Variants in SYCE2 observed in about 807,000 individuals in gnomAD.
SYCE2 encodes the protein central element synaptonemal complex 1.
In SYCE2, 3 loss-of-function variants were observed where a neutral mutation model predicts 27.9. That is an observed-to-expected ratio of 0.11 (90% CI 0.05 to 0.28). SYCE2 has a LOEUF of 0.28. Among genes scored for constraint, SYCE2 ranks in the 10% least tolerant of loss-of-function variants. The probability of loss-of-function intolerance (pLI) is 1.00; values close to 1 mark genes in which losing one functional copy is unlikely to be tolerated. For synonymous variants in SYCE2, 85 were observed against 100.7 expected, an observed-to-expected ratio of 0.84 and a Z score of 0.93; for missense variants, 207 against 263.5, an observed-to-expected ratio of 0.79 and a Z score of 1.48.
chr19:12,899,902 G>T (rs1332114910), intron 5 of SYCE2, 102 bp downstream of exon 5: 2 of 1,604,654 alleles, frequency 1.2e-6, no homozygotes. Context: ...CTCCCATCTG[G>T]GGGTAGTGCC....
At chr19:12,903,578 G>C (rs1970883084) in intron 3 of SYCE2, among the ~76,000 whole-genome samples, 1 of 151,280 alleles carries the variant, frequency 6.6e-6, no homozygotes, top group Non-Finnish European at 1.5e-5. Flanking sequence ...ATAGAGACGG[G>C]GTTTCACCAT....
chr19:12,900,233 G>C, intron 4 of SYCE2, 113 bp from the exon 5 acceptor site: 1 of 1,315,764 alleles, frequency 7.6e-7, no homozygotes, highest in South Asian at 1.5e-5. Context: ...TGTCACCACA[G>C]AGCTGCTCAT....
At chr19:12,906,697 A>G (rs1970939649) in intron 2 of SYCE2, among the ~76,000 whole-genome samples, 1 of 152,072 alleles carries the variant, frequency 6.6e-6, no homozygotes, top group Non-Finnish European at 1.5e-5. Context: ...TCACAAGGGC[A>G]GGAGTTCGAG....
chr19:12,904,649 G>C lies in SYCE2; in HGVS notation c.149C>G (p.Thr50Arg). The C allele has an allele frequency of 3.7e-6, 6 of 1,613,752 alleles. No individual in the cohort carries two copies. Among genetic ancestry groups the C allele is most frequent in the Non-Finnish European group, 5.1e-6 (6 of 1,179,964 alleles). Residue 50 changes from threonine to arginine, a missense_variant, in exon 3 of 6, where the codon ACG (threonine) becomes AGG (arginine). Coordinates refer to ENST00000293695, the MANE Select transcript of SYCE2 (RefSeq NM_001105578.2). ...GGPASASCQL[T>R]VLEGKSGLYF... ...GAGTCCCGACTTCCCTTCCAGGACC[G>C]TCAGCTGGCAACTGGCACTGGAGGT...
chr19:12,918,950 C>CAA (rs751137312), intron 1 of SYCE2, among the ~76,000 whole-genome samples: 8 of 57,136 alleles, frequency 1.4e-4, no homozygotes, highest in Admixed American at 3.3e-4. Flanking sequence ...TACTTCGTCT[C>CAA]AAAAAAAAAA....
At chr19:12,910,596 C>T (rs1167812998) in intron 2 of SYCE2, among the ~76,000 whole-genome samples, 1 of 151,944 alleles carries the variant, frequency 6.6e-6, no homozygotes, top group Non-Finnish European at 1.5e-5. Context: ...TGGTCTCAAA[C>T]TCCTGACCTC....
At chr19:12,912,243 A>T (rs1175609736) in intron 2 of SYCE2, among the ~76,000 whole-genome samples, 2 of 151,808 alleles carry the variant, frequency 1.3e-5, no homozygotes, top group Non-Finnish European at 2.9e-5. Context: ...ATCTAGCCTT[A>T]CTGTTTTCTA....
In SYCE2 at chr19:12,918,205, G is replaced by C; in HGVS notation, c.131+17C>G. On this transcript the variant is annotated intron_variant, in intron 2 of 5. Transcript: ENST00000293695. ...CCAGGGGCCTGTGTAGACCCATAGG[G>C]CTGGGATCTTCCTCACCTAGCTGGC... 1 of 1,606,194 alleles carries C rather than the reference G, an allele frequency of 6.2e-7. No individual in the cohort carries two copies. Among genetic ancestry groups the C allele is most frequent in the Middle Eastern group, 1.7e-4 (1 of 6,046 alleles).
At chr19:12,908,080 G>A (rs983248795) in intron 2 of SYCE2, among the ~76,000 whole-genome samples, 4 of 151,824 alleles carry the variant, frequency 2.6e-5, no homozygotes, top group African/African-American at 7.3e-5. Flanking sequence ...CACTGCACTG[G>A]AGCCTAGATG....
At position 12,899,631 on chromosome 19, in the gene SYCE2, A is replaced by G. The variant is rs1970787986; in HGVS notation, c.613-246T>C. 20 of 1,612,696 alleles carry G rather than the reference A, an allele frequency of 1.2e-5. No individual in the cohort carries two copies. In the South Asian group the frequency reaches 2.1e-4, roughly 17 times the overall value. The stretch of plus-strand genomic sequence containing the variant: ...GGAGCGCTGTGCTCTGAGCTTAGAA[A>G]GGGAGGTGGCGGATGGAGTGGGAAG... On this transcript the variant is annotated intron_variant, in intron 5 of 5. Transcript: ENST00000293695.
intron 2 of SYCE2, among the ~76,000 whole-genome samples, chr19:12,905,366 C>T (rs1168880293): frequency 6.6e-6 from 1 of 152,096 alleles, no homozygotes; most frequent in Admixed American, 6.5e-5. Flanking sequence ...GAGTCTCACT[C>T]TGTCGCCCAG....
intron 2 of SYCE2, 152 bp downstream of exon 2, chr19:12,918,070 C>T (rs536540703): frequency 1.9e-5 from 12 of 636,978 alleles, no homozygotes; most frequent in Non-Finnish European, 1.9e-5. Flanking sequence ...TGCAGTGAGC[C>T]GTGATCATGC....
chr19:12,911,310 CTGTT>C (rs1971041755), intron 2 of SYCE2, among the ~76,000 whole-genome samples: 1 of 152,198 alleles, frequency 6.6e-6, no homozygotes, highest in Non-Finnish European at 1.5e-5. Context: ...TTTCCTACTC[CTGTT>C]TGTTAGCCTA....
chr19:12,914,556 C>T (rs1971104458), intron 2 of SYCE2, among the ~76,000 whole-genome samples: 1 of 151,300 alleles, frequency 6.6e-6, no homozygotes, highest in Admixed American at 6.6e-5. Flanking sequence ...CACTAGACCT[C>T]CCTACACCCA....
At chr19:12,899,548 C>T (rs759615218) in intron 5 of SYCE2, 163 bp from the exon 6 acceptor site, 1 of 1,614,098 alleles carries the variant, frequency 6.2e-7, no homozygotes. Flanking sequence ...GTGAGCCGCT[C>T]CATCAGGGGC....
chr19:12,908,646 C>T (rs1970986861), intron 2 of SYCE2, among the ~76,000 whole-genome samples: 1 of 152,064 alleles, frequency 6.6e-6, no homozygotes, highest in Non-Finnish European at 1.5e-5. Flanking sequence ...TTTTCTTACC[C>T]CCATTCACTT....
At chr19:12,907,660 A>G (rs1970961339) in intron 2 of SYCE2, among the ~76,000 whole-genome samples, 1 of 152,112 alleles carries the variant, frequency 6.6e-6, no homozygotes, top group Non-Finnish European at 1.5e-5. Flanking sequence ...GCATGGTGGC[A>G]TGTGTCTGTA....
intron 2 of SYCE2, among the ~76,000 whole-genome samples, chr19:12,917,829 T>C (rs1319720170): frequency 6.6e-6 from 1 of 151,192 alleles, no homozygotes; most frequent in East Asian, 1.9e-4. Context: ...CCAGCTAATT[T>C]TGTATTTTTA....
chr19:12,915,649 T>C (rs1389987087), intron 2 of SYCE2, among the ~76,000 whole-genome samples: 1 of 148,692 alleles, frequency 6.7e-6, no homozygotes, highest in African/African-American at 2.5e-5. Flanking sequence ...GAATTATATC[T>C]CAAAGCTGTT....
Sources: gnomAD v4.1 joint callset for allele counts (sites outside exome capture counted in the v4.1 genomes callset) on GRCh38, gnomAD v4.1.1 for gene constraint, MANE v1.5 for transcripts, NCBI Gene and HGNC (gene_info 2026-07-23, HGNC 2026-07-21) for gene names.